Variants in AQP11 observed in about 807,000 individuals in gnomAD.
The protein encoded by AQP11 is aquaporin-11.
In AQP11, 20 loss-of-function variants were observed where a neutral mutation model predicts 21.1. The ratio of observed to expected loss-of-function variants is 0.95; its 90% CI spans 0.67 to 1.38. The LOEUF (loss-of-function observed/expected upper bound fraction) is 1.38, where lower values mean the gene tolerates loss of function less well. Ranked by LOEUF, AQP11 falls within the 40% of genes most tolerant of loss-of-function variation. The probability of loss-of-function intolerance (pLI) is 0.00; values close to 1 mark genes in which losing one functional copy is unlikely to be tolerated. For missense variants in AQP11, 339 were observed against 340.4 expected, an observed-to-expected ratio of 1.00 and a Z score of 0.03; for synonymous variants, 167 against 150.1, an observed-to-expected ratio of 1.11 and a Z score of -0.82.
chr11:77,609,410 AG>A lies in AQP11; in HGVS notation c.*34del. ...AAAGACTCAGACTAACATACAGGAC[AG>A]TCCAGCTGGATGTGATAAAGATTTT... On this transcript the variant is annotated 3_prime_UTR_variant, in exon 3 of 3. Coordinates refer to ENST00000313578, the MANE Select transcript of AQP11 (RefSeq NM_173039.3). 6.6e-7 allele frequency: 1 copy of A among 1,521,104 alleles called. No homozygotes were observed. The highest frequency in any genetic ancestry group is 9.0e-7 in the Non-Finnish European group (1 of 1,112,770). The allele number at this position is 1,521,104 out of a possible 1,614,324, so 94.2% of individuals were successfully genotyped here. A position where few individuals can be genotyped will look rare whatever the true frequency, so the allele number is the denominator to read the frequency against.
At chr11:77,606,954 T>C (rs1958850225) in intron 2 of AQP11, among the ~76,000 whole-genome samples, 1 of 152,192 alleles carries the variant, frequency 6.6e-6, no homozygotes, top group Non-Finnish European at 1.5e-5. Flanking sequence ...TGAAAATATG[T>C]ATTCCAAGAT....
At chr11:77,592,076 G>T (rs1410282292) in intron 1 of AQP11, among the ~76,000 whole-genome samples, 4 of 152,072 alleles carry the variant, frequency 2.6e-5, no homozygotes, top group African/African-American at 9.7e-5. Context: ...GACTAGCCTG[G>T]GCAACATAAG....
chr11:77,591,728 G>A (rs1474275594), intron 1 of AQP11, among the ~76,000 whole-genome samples: 2 of 152,104 alleles, frequency 1.3e-5, no homozygotes, highest in Admixed American at 1.3e-4. Context: ...AAAAAATTTA[G>A]CCAGGCATGG....
intron 1 of AQP11, 101 bp downstream of exon 1, chr11:77,590,712 G>T (rs1219795621): frequency 6.6e-7 from 1 of 1,508,998 alleles, no homozygotes; most frequent in East Asian, 2.3e-5. Context: ...ATCCCGCTAT[G>T]ATGTAAATGC....
chr11:77,607,203 GA>G (rs763100730), intron 2 of AQP11, among the ~76,000 whole-genome samples: 11 of 150,610 alleles, frequency 7.3e-5, no homozygotes, highest in Non-Finnish European at 1.3e-4. Flanking sequence ...CTTCCCACTG[GA>G]AAAAAAATTG....
chr11:77,596,493 T>A (rs1449010553), intron 1 of AQP11, among the ~76,000 whole-genome samples: 1 of 140,954 alleles, frequency 7.1e-6, no homozygotes, highest in Non-Finnish European at 1.5e-5. Flanking sequence ...TGTAAATATA[T>A]GTGTAAATAT....
intron 1 of AQP11, 184 bp downstream of exon 1, chr11:77,590,795 C>G: frequency 1.0e-6 from 1 of 985,456 alleles, no homozygotes; most frequent in Non-Finnish European, 1.2e-6. Flanking sequence ...AGCCTTCATG[C>G]AGTGCTGCTT....
intron 2 of AQP11, among the ~76,000 whole-genome samples, chr11:77,607,942 CA>C (rs1431083695): frequency 6.6e-6 from 1 of 151,064 alleles, no homozygotes; most frequent in African/African-American, 2.4e-5. Flanking sequence ...GGTCAGTTAA[CA>C]TAGAGGTTGT....
At chr11:77,596,000 A>T (rs1164726522) in intron 1 of AQP11, among the ~76,000 whole-genome samples, 2 of 152,140 alleles carry the variant, frequency 1.3e-5, no homozygotes, top group African/African-American at 2.4e-5. Flanking sequence ...AATAGGAGCT[A>T]TTATCAATTT....
At chr11:77,592,900 T>A (rs1472309372) in intron 1 of AQP11, among the ~76,000 whole-genome samples, 2 of 152,220 alleles carry the variant, frequency 1.3e-5, no homozygotes, top group Non-Finnish European at 1.5e-5. Context: ...CAGATTAAAA[T>A]CCAATTGCTC....
intron 1 of AQP11, among the ~76,000 whole-genome samples, chr11:77,595,053 A>G (rs543012333): frequency 6.6e-6 from 1 of 152,268 alleles, no homozygotes; most frequent in Admixed American, 6.5e-5. Context: ...ATATTGAAAA[A>G]CACCTGGGCC....
At chr11:77,592,283 GAAAA>G (rs1430107196) in intron 1 of AQP11, among the ~76,000 whole-genome samples, 3 of 151,454 alleles carry the variant, frequency 2.0e-5, no homozygotes, top group Admixed American at 1.3e-4. Context: ...AAAAAAAAAA[GAAAA>G]AGAGAAAAAG....
rs1355947574 is a variant in AQP11 at position 77,610,040 on chromosome 11, CAGGATTTA to C, written c.*666_*673del. On this transcript the variant is annotated 3_prime_UTR_variant, in exon 3 of 3. Coordinates refer to ENST00000313578, the MANE Select transcript of AQP11 (RefSeq NM_173039.3). ...ATAAAACAAAACACCCATACAAAGTCAGGATTTAAGCTTTTCACATTCTCCTTTGAACC... is the reference window on the plus strand; with the variant it reads ...ATAAAACAAAACACCCATACAAAGTCAGCTTTTCACATTCTCCTTTGAACC... 6.6e-6 allele frequency: 1 copy of C among 152,156 alleles called. No individual in the cohort carries two copies. Among genetic ancestry groups the C allele is most frequent in the African/African-American group, 2.4e-5 (1 of 41,436 alleles). 9.4% of individuals were successfully genotyped at this position (152,156 alleles called of 1,614,324 possible). A position where few individuals can be genotyped will look rare whatever the true frequency, so the allele number is the denominator to read the frequency against.
At chr11:77,603,365 C>CT (rs898216711) in intron 1 of AQP11, among the ~76,000 whole-genome samples, 191 bp from the exon 2 acceptor site, 8 of 151,298 alleles carry the variant, frequency 5.3e-5, no homozygotes, top group African/African-American at 7.3e-5. Flanking sequence ...TGTCCTCTGT[C>CT]TTTTTTTTTA....
chr11:77,609,191 C>A, intron 2 of AQP11, 107 bp from the exon 3 acceptor site: 1 of 683,274 alleles, frequency 1.5e-6, no homozygotes, highest in East Asian at 2.8e-5. Flanking sequence ...TTAAGCATGG[C>A]TTTCCAAACA....
At chr11:77,605,046 A>G (rs1440710388) in intron 2 of AQP11, among the ~76,000 whole-genome samples, 2 of 152,120 alleles carry the variant, frequency 1.3e-5, no homozygotes, top group Non-Finnish European at 2.9e-5. Context: ...ACAAAAAATT[A>G]GCTGGTCGTG....
intron 1 of AQP11, among the ~76,000 whole-genome samples, chr11:77,593,990 T>C (rs1958764257): frequency 6.6e-6 from 1 of 152,160 alleles, no homozygotes; most frequent in Non-Finnish European, 1.5e-5. Context: ...GCTCTACATA[T>C]ACAAAATATC....
intron 1 of AQP11, chr11:77,590,974 C>A: frequency 1.0e-6 from 1 of 985,422 alleles, no homozygotes. Flanking sequence ...TTCGGATACT[C>A]TTACTGAAAA....
At chr11:77,600,543 C>CT (rs1958809490) in intron 1 of AQP11, among the ~76,000 whole-genome samples, 1 of 152,022 alleles carries the variant, frequency 6.6e-6, no homozygotes, top group Non-Finnish European at 1.5e-5. Context: ...AAACAATTTG[C>CT]TTTTTTTGGT....
Sources: allele counts gnomAD v4.1 joint callset (sites outside exome capture counted in the v4.1 genomes callset), GRCh38; gene constraint gnomAD v4.1.1; transcripts MANE v1.5; gene names NCBI Gene and HGNC (gene_info 2026-07-23, HGNC 2026-07-21).